The following SMC6 variants were observed in gnomAD, a reference collection of about 807,000 sequenced individuals.
SMC6 encodes structural maintenance of chromosomes 6.
Under a neutral mutation model 142.2 loss-of-function variants are expected in SMC6, and 79 were observed. The observed-to-expected ratio is 0.56, with a 90% confidence interval of 0.46 to 0.67. The LOEUF is 0.67. Ranked by LOEUF, SMC6 falls within the 30% of genes least tolerant of loss-of-function variation. SMC6 has a pLI of 0.00. For synonymous variants in SMC6, 411 were observed against 412.4 expected, an observed-to-expected ratio of 1.00 and a Z score of 0.04; for missense variants, 1,072 against 1,284.0, an observed-to-expected ratio of 0.83 and a Z score of 2.52.
chr2:17,665,940 C>G (rs775232784), intron 27 of SMC6, among the ~76,000 whole-genome samples: 11 of 152,072 alleles, frequency 7.2e-5, no homozygotes, highest in Non-Finnish European at 1.5e-4. Context: ...AAATTTAGAT[C>G]CCCATATAAT....
chr2:17,704,319 A>T (rs1486690273), intron 18 of SMC6, among the ~76,000 whole-genome samples: 1 of 152,214 alleles, frequency 6.6e-6, no homozygotes, highest in Admixed American at 6.5e-5. Flanking sequence ...CTAATAGCTT[A>T]ATACTTCTGT....
chr2:17,682,787 T>G (rs190911142), intron 24 of SMC6, among the ~76,000 whole-genome samples: 1 of 152,218 alleles, frequency 6.6e-6, no homozygotes, highest in Admixed American at 6.5e-5. Flanking sequence ...AAATGGGTCC[T>G]ATTTAATTCA....
Position 17,707,318 on chromosome 2 carries a change from G to C in SMC6, c.1907C>G (p.Ala636Gly), listed in dbSNP as rs1198661754. ...SQKPPKNCREAFTADGDQVFA... is the reference protein window; with the variant it reads ...SQKPPKNCREGFTADGDQVFA... Reference sequence around the variant, plus strand: ...AACTTGATCACCATCAGCAGTAAAAGCTTCTCTACAATTTTTGGGTGGCTT... The same window carrying C: ...AACTTGATCACCATCAGCAGTAAAACCTTCTCTACAATTTTTGGGTGGCTT... The change falls in exon 18 of 28, where the codon GCT becomes GGT. Residue 636 changes from alanine (A) to glycine (G), a missense_variant. Physicochemically the swap from Ala to Gly is moderately conservative, Grantham distance 60 (BLOSUM62 0). Transcript: ENST00000448223. 4 of 1,603,388 alleles carry C rather than the reference G, an allele frequency of 2.5e-6. No homozygotes were observed. The highest frequency in any genetic ancestry group is 1.1e-5 in the South Asian group (1 of 89,034).
chr2:17,671,818 T>C (rs1666778412), intron 25 of SMC6, among the ~76,000 whole-genome samples: 1 of 151,878 alleles, frequency 6.6e-6, no homozygotes, highest in Middle Eastern at 3.2e-3. Context: ...TTCCTGAGAA[T>C]ATACAATAAC....
At chr2:17,683,892 C>T in intron 23 of SMC6, 129 bp from the exon 24 acceptor site, 2 of 795,570 alleles carry the variant, frequency 2.5e-6, no homozygotes. Context: ...TAGTAGCAGT[C>T]AATTTCATAA....
In SMC6 at chr2:17,670,536, T is replaced by C. The variant is rs142161992; in HGVS notation, c.2950A>G (p.Met984Val). ...CGTTCACCTCCAGACAAGGCTCTCA[T>C]GTCATTGAAAGCAGCTTTATTTCCT... Reference protein sequence around the residue: ...GEGNKAAFNDMRALSGGERSF... With the variant: ...GEGNKAAFNDVRALSGGERSF... The change falls in exon 26 of 28, where the codon ATG becomes GTG. Residue 984 changes from methionine to valine, a missense_variant. This residue lies in a region of SMC6 where 994 missense variants were observed against 1,153.2 expected (regional missense o/e 0.86). Coordinates refer to ENST00000448223, the MANE Select transcript of SMC6 (RefSeq NM_001142286.2). 7 of 1,587,374 alleles carry C rather than the reference T, an allele frequency of 4.4e-6. No individual in the cohort carries two copies. In the African/African-American group the frequency reaches 6.9e-5, roughly 16 times the overall value.
At chr2:17,683,381 G>A (rs73921042) in intron 24 of SMC6, among the ~76,000 whole-genome samples, 1,943 of 152,152 alleles carry the variant, frequency 0.013, 21 homozygotes, top group East Asian at 0.031. Context: ...GAACCAATGA[G>A]TTCCCTTTCA....
At chr2:17,696,206 G>T in intron 22 of SMC6, 83 bp downstream of exon 22, 3 of 1,491,824 alleles carry the variant, frequency 2.0e-6, no homozygotes, top group South Asian at 1.4e-5. Context: ...TCTGTTTTTA[G>T]AAACATGACA....
chr2:17,741,328 AG>A (rs1384058225), intron 4 of SMC6, among the ~76,000 whole-genome samples: 1 of 152,216 alleles, frequency 6.6e-6, no homozygotes, highest in Non-Finnish European at 1.5e-5. Context: ...AATTGCAATG[AG>A]GATCGCTTGT....
intron 23 of SMC6, among the ~76,000 whole-genome samples, chr2:17,690,175 A>T (rs952556037): frequency 2.0e-5 from 3 of 152,272 alleles, no homozygotes; most frequent in Non-Finnish European, 4.4e-5. Context: ...CATGGAATTA[A>T]AATTGATTTT....
Position 17,707,257 on chromosome 2 carries a change from T to C in SMC6, c.1968A>G (p.Arg656=), listed in dbSNP as rs1022129459. ...AGRYYSSENT[R]PKFLSRDVDS... is the part of the protein sequence containing the mutation. ...CCACATCTCTGCTTAGGAACTTAGG[T>C]CTTGTATTTTCAGATGAATAATAAC... The change falls in exon 18 of 28, where the codon AGA becomes AGG. Residue 656 remains arginine, a synonymous_variant. Coordinates refer to ENST00000448223, the MANE Select transcript of SMC6 (RefSeq NM_001142286.2). 4.9e-5 allele frequency: 78 copies of C among 1,600,658 alleles called. No homozygotes were observed. Among genetic ancestry groups the C allele is most frequent in the Non-Finnish European group, 5.9e-5 (69 of 1,174,520 alleles).
At chr2:17,731,271 G>A (rs147807235) in intron 6 of SMC6, 132 bp from the exon 7 acceptor site, 29 of 627,006 alleles carry the variant, frequency 4.6e-5, no homozygotes, top group African/African-American at 1.5e-4. Context: ...CATTGAATAC[G>A]TACAAATATG....
chr2:17,677,800 TAGAAATTAAAGAG>T (rs1168890989), intron 25 of SMC6, among the ~76,000 whole-genome samples: 1 of 152,088 alleles, frequency 6.6e-6, no homozygotes, highest in East Asian at 1.9e-4. Flanking sequence ...GATCTACCAG[TAGAAATTAAAGAG>T]AGAGTAAAAG....
intron 16 of SMC6, among the ~76,000 whole-genome samples, chr2:17,711,760 A>G (rs1668836610): frequency 6.6e-6 from 1 of 152,148 alleles, no homozygotes; most frequent in Non-Finnish European, 1.5e-5. Flanking sequence ...CTGGGACCAC[A>G]GGCACATAGC....
chr2:17,706,783 G>A (rs16983782), intron 18 of SMC6, among the ~76,000 whole-genome samples: 50,903 of 151,890 alleles, frequency 0.34, 9,261 homozygotes, highest in African/African-American at 0.43. Context: ...CATGTCAGTT[G>A]ATCTTCTTTC....
rs1246290037 is a variant in SMC6 at position 17,700,091 on chromosome 2, A to G, written c.2394+117T>C. The G allele has an allele frequency of 2.1e-5, 12 of 584,928 alleles. No homozygotes were observed. The East Asian group carries it at 3.8e-4, about 18-fold the overall frequency. The allele number at this position is 584,928 out of a possible 1,614,324, so 36.2% of individuals were successfully genotyped here. A position where few individuals can be genotyped will look rare whatever the true frequency, so the allele number is the denominator to read the frequency against. Reference sequence around the variant, plus strand: ...TGGTTCCCACCATTCTTTATATTCAATTTTTATGCTATTTACATTTAACCA... The same window carrying G: ...TGGTTCCCACCATTCTTTATATTCAGTTTTTATGCTATTTACATTTAACCA... On this transcript the variant is annotated intron_variant, in intron 21 of 27. Coordinates refer to ENST00000448223, the MANE Select transcript of SMC6 (RefSeq NM_001142286.2).
At chr2:17,748,926 A>G (rs1404634225) in intron 2 of SMC6, among the ~76,000 whole-genome samples, 2 of 152,200 alleles carry the variant, frequency 1.3e-5, no homozygotes, top group African/African-American at 4.8e-5. Flanking sequence ...CCCAAACACT[A>G]CGTGATGACG....
chr2:17,713,501 C>T, intron 16 of SMC6: 1 of 471,146 alleles, frequency 2.1e-6, no homozygotes, highest in South Asian at 1.5e-5. Context: ...CAAGGCAGTG[C>T]CAGGCACTCT....
At chr2:17,694,670 A>C (rs1257942457) in intron 23 of SMC6, among the ~76,000 whole-genome samples, 1 of 152,212 alleles carries the variant, frequency 6.6e-6, no homozygotes, top group East Asian at 1.9e-4. Flanking sequence ...AGTCACATAA[A>C]TAGGTGGTGG....
Sources: gnomAD v4.1 joint callset for allele counts (sites outside exome capture counted in the v4.1 genomes callset) on GRCh38, gnomAD v4.1.1 for gene constraint, gnomAD v4.1.1 regional missense constraint, MANE v1.5 for transcripts, NCBI Gene and HGNC (gene_info 2026-07-23, HGNC 2026-07-21) for gene names.